SH2D4B: variants seen among roughly 807,000 people sequenced by gnomAD.
SH2D4B encodes the protein SH2 domain-containing protein 4B.
In SH2D4B, 45 loss-of-function variants were observed where a neutral mutation model predicts 61.5. The ratio of observed to expected loss-of-function variants is 0.73; its 90% CI spans 0.58 to 0.94. The LOEUF (loss-of-function observed/expected upper bound fraction) is 0.94, where lower values mean the gene tolerates loss of function less well. SH2D4B is among the 40% of genes least tolerant of loss of function. SH2D4B has a pLI of 0.00. For synonymous variants in SH2D4B, 224 were observed against 220.4 expected, an observed-to-expected ratio of 1.02 and a Z score of -0.14; for missense variants, 572 against 574.2, an observed-to-expected ratio of 1.00 and a Z score of 0.04.
intron 6 of SH2D4B, among the ~76,000 whole-genome samples, chr10:80,629,036 A>AAAAAAAAG (rs142895629): frequency 6.9e-6 from 1 of 144,870 alleles, no homozygotes; most frequent in African/African-American, 2.7e-5. Flanking sequence ...TCTCAAAAAA[A>AAAAAAAAG]AAAAAGAAAA....
chr10:80,547,637 A>G (rs2132104305), intron 1 of SH2D4B, among the ~76,000 whole-genome samples: 1 of 152,216 alleles, frequency 6.6e-6, no homozygotes, highest in South Asian at 2.1e-4. Context: ...TTTATTTACC[A>G]TTAGTGCCCC....
At chr10:80,616,062 A>G (rs2132149210) in intron 6 of SH2D4B, among the ~76,000 whole-genome samples, 1 of 152,296 alleles carries the variant, frequency 6.6e-6, no homozygotes, top group East Asian at 1.9e-4. Flanking sequence ...AAATAAAGAA[A>G]AAGACCTGTG....
intron 3 of SH2D4B, among the ~76,000 whole-genome samples, chr10:80,583,327 G>T (rs1165859610): frequency 6.6e-6 from 1 of 152,132 alleles, no homozygotes; most frequent in African/African-American, 2.4e-5. Context: ...TCAGTAGAAG[G>T]TTTGGAAGAT....
chr10:80,574,302 A>C (rs1303731328), intron 3 of SH2D4B, among the ~76,000 whole-genome samples: 1 of 151,862 alleles, frequency 6.6e-6, no homozygotes, highest in Non-Finnish European at 1.5e-5. Context: ...ACACCCAACT[A>C]ATTTTTGTAT....
chr10:80,576,287 G>T (rs998087578), intron 3 of SH2D4B, among the ~76,000 whole-genome samples: 2 of 152,248 alleles, frequency 1.3e-5, no homozygotes, highest in African/African-American at 4.8e-5. Flanking sequence ...ACCACAGGCT[G>T]TGGATGTTAT....
rs76371919 is a variant in SH2D4B at position 80,570,049 on chromosome 10, A to G, written c.185-105A>G. 33,665 of 1,362,066 alleles carry G rather than the reference A, an allele frequency of 0.025. 509 individuals carry two copies. Among genetic ancestry groups the G allele is most frequent in the Middle Eastern group, 0.038 (202 of 5,310 alleles). 84.4% of individuals were successfully genotyped at this position (1,362,066 alleles called of 1,614,324 possible). A position where few individuals can be genotyped will look rare whatever the true frequency, so the allele number is the denominator to read the frequency against. Reference sequence around the variant, plus strand: ...TCTGGCATTCTTTTTGTGGATGACAATGTTCCATAGAGTGATGTGATGGTT... The same window carrying G: ...TCTGGCATTCTTTTTGTGGATGACAGTGTTCCATAGAGTGATGTGATGGTT... On this transcript the variant is annotated intron_variant, in intron 1 of 7. Transcript: ENST00000646907.
intron 6 of SH2D4B, among the ~76,000 whole-genome samples, chr10:80,631,728 T>C (rs1842836491): frequency 6.6e-6 from 1 of 151,926 alleles, no homozygotes; most frequent in Non-Finnish European, 1.5e-5. Flanking sequence ...CCTCATGATC[T>C]CACTTATATG....
At chr10:80,628,921 T>C (rs1377479087) in intron 6 of SH2D4B, among the ~76,000 whole-genome samples, 5 of 151,348 alleles carry the variant, frequency 3.3e-5, no homozygotes. Context: ...TCCCAGCTAC[T>C]CAGGAGCCTG....
At chr10:80,575,678 G>A (rs1441070423) in intron 3 of SH2D4B, among the ~76,000 whole-genome samples, 2 of 152,158 alleles carry the variant, frequency 1.3e-5, no homozygotes, top group Non-Finnish European at 2.9e-5. Flanking sequence ...AGGAGGCTGA[G>A]GCAGGAGAAT....
chr10:80,585,948 G>A (rs1842241306), intron 3 of SH2D4B, among the ~76,000 whole-genome samples: 4 of 152,158 alleles, frequency 2.6e-5, no homozygotes, highest in Admixed American at 2.0e-4. Context: ...GTGGGCGTGG[G>A]CTAGGTGGCC....
intron 1 of SH2D4B, among the ~76,000 whole-genome samples, chr10:80,563,155 C>T (rs1841925099): frequency 6.6e-6 from 1 of 152,074 alleles, no homozygotes; most frequent in South Asian, 2.1e-4. Context: ...CCCGCTTCGG[C>T]CTCCCAAAGT....
chr10:80,595,489 C>T (rs1842375976), intron 4 of SH2D4B, among the ~76,000 whole-genome samples: 1 of 152,224 alleles, frequency 6.6e-6, no homozygotes, highest in Middle Eastern at 3.4e-3. Context: ...GAATCTTCCC[C>T]GCTTCAGGGA....
At chr10:80,555,027 A>T (rs1337027554) in intron 1 of SH2D4B, among the ~76,000 whole-genome samples, 6 of 145,386 alleles carry the variant, frequency 4.1e-5, no homozygotes, top group African/African-American at 1.5e-4. Flanking sequence ...AAAAAAAAAA[A>T]TCCATGAAAT....
chr10:80,538,821 T>C lies in SH2D4B; in HGVS notation c.184+306T>C, dbSNP rs539856554. ...GGGAAGACACCATTGAGACTTCAGA[T>C]TGTGCTCCGACGTGGTTGGCAATGG... On this transcript the variant is annotated intron_variant, in intron 1 of 7. Coordinates refer to ENST00000646907, the MANE Select transcript of SH2D4B (RefSeq NM_001388272.1). The surrounding 1 kb of genome is among the most constrained non-coding windows in gnomAD (Gnocchi z 4.8). 5.9e-5 allele frequency among the ~76,000 whole-genome samples: 9 copies of C among 152,322 alleles called. No homozygotes were observed. Among genetic ancestry groups the C allele is most frequent in the South Asian group, 2.1e-4 (1 of 4,826 alleles).
At chr10:80,620,546 A>T (rs1842708271) in intron 6 of SH2D4B, among the ~76,000 whole-genome samples, 1 of 152,222 alleles carries the variant, frequency 6.6e-6, no homozygotes, top group African/African-American at 2.4e-5. Context: ...TAGAATCTGG[A>T]TGTGGGTTGT....
chr10:80,640,430 A>C (rs1272519367), intron 7 of SH2D4B, among the ~76,000 whole-genome samples: 1 of 152,216 alleles, frequency 6.6e-6, no homozygotes, highest in Non-Finnish European at 1.5e-5. Flanking sequence ...CACACCAATC[A>C]GACGTAGATT....
intron 3 of SH2D4B, among the ~76,000 whole-genome samples, chr10:80,587,870 C>T (rs186646116): frequency 6.6e-6 from 1 of 152,248 alleles, no homozygotes; most frequent in African/African-American, 2.4e-5. Flanking sequence ...TGTGTAGGTT[C>T]ACTTACTATA....
chr10:80,580,910 C>A (rs974290045), intron 3 of SH2D4B, among the ~76,000 whole-genome samples: 2 of 152,174 alleles, frequency 1.3e-5, no homozygotes, highest in African/African-American at 4.8e-5. Flanking sequence ...GGCCTTTTGG[C>A]TGCTAAACCT....
chr10:80,587,521 C>T (rs138014093), intron 3 of SH2D4B, among the ~76,000 whole-genome samples: 3,292 of 152,124 alleles, frequency 0.022, 39 homozygotes, highest in Middle Eastern at 0.045. Context: ...TCAGGTGATC[C>T]GCCTGCCTTG....
Sources: allele counts gnomAD v4.1 joint callset (sites outside exome capture counted in the v4.1 genomes callset), GRCh38; gene constraint gnomAD v4.1.1; non-coding constraint Gnocchi (gnomAD v3.1); transcripts MANE v1.5; gene names NCBI Gene and HGNC (gene_info 2026-07-23, HGNC 2026-07-21).